SCO1: variants seen among roughly 807,000 people sequenced by gnomAD.
SCO1 encodes cytochrome c oxidase assembly factor SCO1.
A neutral mutation model predicts 34.0 loss-of-function variants in SCO1; 23 were observed. The ratio of observed to expected loss-of-function variants is 0.68; its 90% confidence interval spans 0.49 to 0.96. The LOEUF is 0.96. Ranked by LOEUF, SCO1 falls within the 40% of genes least tolerant of loss-of-function variation. SCO1 has a pLI of 0.00. For missense variants in SCO1, 404 were observed against 381.6 expected, an observed-to-expected ratio of 1.06 and a Z score of -0.49; for synonymous variants, 161 against 145.5, an observed-to-expected ratio of 1.11 and a Z score of -0.77.
intron 5 of SCO1, among the ~76,000 whole-genome samples, chr17:10,683,292 G>T (rs1257092448): frequency 6.6e-6 from 1 of 151,942 alleles, no homozygotes; most frequent in Admixed American, 6.6e-5. Context: ...CAATATATTG[G>T]ACATTGTTCT....
rs1390472911 is a variant in SCO1, at chr17:10,679,130, G to A, written c.*1989C>T. The A allele has an allele frequency of 1.3e-5, 2 of 152,216 alleles. No homozygotes were observed. Among genetic ancestry groups the A allele is most frequent in the South Asian group, 2.1e-4 (1 of 4,836 alleles). 9.4% of individuals were successfully genotyped at this position (152,216 alleles called of 1,614,324 possible). A position where few individuals can be genotyped will look rare whatever the true frequency, so the allele number is the denominator to read the frequency against. On this transcript the variant is annotated 3_prime_UTR_variant, in exon 6 of 6. Coordinates refer to ENST00000255390, the MANE Select transcript of SCO1 (RefSeq NM_004589.4). ...CCGGCTAATTTTTGTATTTTTAGGAGAGAGACGACGTTTCACCATGTTGGC... is the reference window on the plus strand; with the variant it reads ...CCGGCTAATTTTTGTATTTTTAGGAAAGAGACGACGTTTCACCATGTTGGC...
At chr17:10,697,133 G>C (rs1018072016) in intron 1 of SCO1, 102 bp downstream of exon 1, 1 of 1,142,814 alleles carries the variant, frequency 8.8e-7, no homozygotes, top group African/African-American at 1.6e-5. Context: ...ACAACTTTAG[G>C]GGAGGCGGAG....
chr17:10,680,974 C>T lies in SCO1; in HGVS notation c.*145G>A. 2.0e-6 allele frequency: 2 copies of T among 989,850 alleles called. No individual in the cohort carries two copies. The highest frequency in any genetic ancestry group is 1.8e-5 in the Admixed American group (1 of 54,846). 61.3% of individuals were successfully genotyped at this position (989,850 alleles called of 1,614,324 possible). On this transcript the variant is annotated 3_prime_UTR_variant, in exon 6 of 6. Coordinates refer to ENST00000255390, the MANE Select transcript of SCO1 (RefSeq NM_004589.4). Reference sequence around the variant, plus strand: ...TTTTGGTTGAACGCAAGGGTAACATCCCCATCCAAAACAGAAATGTTCTCA... The same window carrying T: ...TTTTGGTTGAACGCAAGGGTAACATTCCCATCCAAAACAGAAATGTTCTCA...
At chr17:10,688,473 A>G (rs1400711462) in intron 4 of SCO1, among the ~76,000 whole-genome samples, 1 of 152,230 alleles carries the variant, frequency 6.6e-6, no homozygotes. Context: ...AGAGTGGCTA[A>G]AATTAAAAAG....
chr17:10,692,050 G>A (rs148499895), intron 3 of SCO1, 86 bp from the exon 4 acceptor site: 287 of 928,700 alleles, frequency 3.1e-4, no homozygotes, highest in Non-Finnish European at 4.2e-4. Context: ...TATAGGACGT[G>A]CTGGACAGCT....
Position 10,679,140 on chromosome 17 carries a change from G to C in SCO1, c.*1979C>G, listed in dbSNP as rs114249218. ...TTTGTATTTTTAGGAGAGAGACGACGTTTCACCATGTTGGCCAGGCTGGTC... is the reference window on the plus strand; with the variant it reads ...TTTGTATTTTTAGGAGAGAGACGACCTTTCACCATGTTGGCCAGGCTGGTC... On this transcript the variant is annotated 3_prime_UTR_variant, in exon 6 of 6. Transcript: ENST00000255390. 0.02 allele frequency: 3,003 copies of C among 152,316 alleles called. 123 individuals carry two copies. Among genetic ancestry groups the C allele is most frequent in the East Asian group, 0.16 (844 of 5,172 alleles). The allele number at this position is 152,316 out of a possible 1,614,324, so 9.4% of individuals were successfully genotyped here.
chr17:10,681,046 T>C lies in SCO1; in HGVS notation c.*73A>G. 6.5e-7 allele frequency: 1 copy of C among 1,542,796 alleles called. No homozygotes were observed. The highest frequency in any genetic ancestry group is 9.0e-7 in the Non-Finnish European group (1 of 1,115,460). Reference sequence around the variant, plus strand: ...GAGTGCACGTATATATGTTTATATTTATATAGGCTCCTATGCGAGACAGTT... The same window carrying C: ...GAGTGCACGTATATATGTTTATATTCATATAGGCTCCTATGCGAGACAGTT... On this transcript the variant is annotated 3_prime_UTR_variant, in exon 6 of 6. Transcript: ENST00000255390.
At chr17:10,690,814 G>C (rs1389962654) in intron 4 of SCO1, among the ~76,000 whole-genome samples, 1 of 152,074 alleles carries the variant, frequency 6.6e-6, no homozygotes, top group Non-Finnish European at 1.5e-5. Context: ...AATGGATAAA[G>C]AAAATGCAGT....
At chr17:10,692,997 A>C (rs765594845) in intron 2 of SCO1, 36 bp from the exon 3 acceptor site, 1 of 1,595,098 alleles carries the variant, frequency 6.3e-7, no homozygotes, top group Non-Finnish European at 8.6e-7. Flanking sequence ...ACCAAAAAAA[A>C]AGTCAATTTA....
At position 10,680,764 on chromosome 17, in the gene SCO1, G is replaced by A. The variant is rs565300533; in HGVS notation, c.*355C>T. On this transcript the variant is annotated 3_prime_UTR_variant, in exon 6 of 6. Transcript: ENST00000255390. Reference sequence around the variant, plus strand: ...AGCTATTTGAGCAAGGGCCCAAGACGATGGAGAGGCGGCAAAGCTGCTGGG... The same window carrying A: ...AGCTATTTGAGCAAGGGCCCAAGACAATGGAGAGGCGGCAAAGCTGCTGGG... 1.4e-5 allele frequency: 5 copies of A among 360,870 alleles called. No homozygotes were observed. The highest frequency in any genetic ancestry group is 1.1e-4 in the South Asian group (4 of 37,416). 22.4% of individuals were successfully genotyped at this position (360,870 alleles called of 1,614,324 possible).
rs2074578106 is a variant in SCO1 at position 10,676,045 on chromosome 17, A to T, written c.*5074T>A. The T allele has an allele frequency of 6.6e-6, 1 of 152,226 alleles. No individual in the cohort carries two copies. Among genetic ancestry groups the T allele is most frequent in the African/African-American group, 2.4e-5 (1 of 41,450 alleles). The allele number at this position is 152,226 out of a possible 1,614,324, so 9.4% of individuals were successfully genotyped here. On this transcript the variant is annotated 3_prime_UTR_variant, in exon 6 of 6. Coordinates refer to ENST00000255390, the MANE Select transcript of SCO1 (RefSeq NM_004589.4). The stretch of plus-strand genomic sequence containing the variant: ...AAACCAAACGACAAAATCCAAGAGC[A>T]AAAACAAAAACCTTTTTGCTGTGCT...
intron 1 of SCO1, 124 bp downstream of exon 1, chr17:10,697,110 GC>G: frequency 1.1e-6 from 1 of 926,762 alleles, no homozygotes. Flanking sequence ...CAGGTAAGGC[GC>G]GCAAGCTAAG....
chr17:10,694,412 G>C (rs966989289), intron 2 of SCO1, among the ~76,000 whole-genome samples: 2 of 152,038 alleles, frequency 1.3e-5, no homozygotes, highest in African/African-American at 4.8e-5. Flanking sequence ...ATCCAGCCTG[G>C]GCAACAGGAG....
chr17:10,684,665 G>A (rs1253328231), intron 5 of SCO1, among the ~76,000 whole-genome samples: 1 of 152,152 alleles, frequency 6.6e-6, no homozygotes, highest in Admixed American at 6.6e-5. Context: ...CCTAGTTTAG[G>A]ACTGTATACA....
At chr17:10,694,165 A>G (rs146450059) in intron 2 of SCO1, among the ~76,000 whole-genome samples, 98 of 152,328 alleles carry the variant, frequency 6.4e-4, no homozygotes, top group African/African-American at 2.0e-3. Flanking sequence ...AAGGTACACA[A>G]CCCGAATGAC....
chr17:10,694,203 A>G (rs948946523), intron 2 of SCO1, among the ~76,000 whole-genome samples: 1 of 152,220 alleles, frequency 6.6e-6, no homozygotes, highest in Admixed American at 6.5e-5. Context: ...AGACAAATCC[A>G]AGCTAAGGGG....
At position 10,676,443 on chromosome 17, in the gene SCO1, G is replaced by A. The variant is rs2074581117; in HGVS notation, c.*4676C>T. On this transcript the variant is annotated 3_prime_UTR_variant, in exon 6 of 6. Transcript: ENST00000255390. ...TTGGTCTCTTTCAGAGGCACATGCT[G>A]GGAATGGGCTGGGGTGGCAGTGGGT... The A allele has an allele frequency of 6.6e-6, 1 of 152,194 alleles. No homozygotes were observed. The highest frequency in any genetic ancestry group is 2.4e-5 in the African/African-American group (1 of 41,438). The allele number at this position is 152,194 out of a possible 1,614,324, so 9.4% of individuals were successfully genotyped here.
At chr17:10,693,855 G>C (rs1034802437) in intron 2 of SCO1, among the ~76,000 whole-genome samples, 1 of 152,152 alleles carries the variant, frequency 6.6e-6, no homozygotes, top group African/African-American at 2.4e-5. Context: ...GACAACTTGG[G>C]CATCAAAATA....
chr17:10,682,915 T>C (rs568627741), intron 5 of SCO1, among the ~76,000 whole-genome samples: 60 of 152,362 alleles, frequency 3.9e-4, no homozygotes, highest in Admixed American at 8.5e-4. Context: ...CTTTAAAACC[T>C]AGAATCTGTC....
Sources: gnomAD v4.1 joint callset for allele counts (sites outside exome capture counted in the v4.1 genomes callset) on GRCh38, gnomAD v4.1.1 for gene constraint, MANE v1.5 for transcripts, NCBI Gene and HGNC (gene_info 2026-07-23, HGNC 2026-07-21) for gene names.